The following BORCS5 variants were observed in gnomAD, a reference collection of about 807,000 sequenced individuals.
The protein encoded by BORCS5 is BLOC-1-related complex subunit 5.
In BORCS5, 17 loss-of-function variants were observed where a neutral mutation model predicts 22.1. That is an observed-to-expected ratio of 0.77 (90% CI 0.53 to 1.15). BORCS5 has a LOEUF of 1.15. BORCS5 is among the 50% of genes most tolerant of loss of function. BORCS5 has a pLI of 0.00. For missense variants in BORCS5, 247 were observed against 253.2 expected (o/e 0.98, Z 0.17); for synonymous variants, 117 against 99.8 (o/e 1.17, Z -1.03).
intron 2 of BORCS5, among the ~76,000 whole-genome samples, chr12:12,396,145 G>C (rs187984135): frequency 6.6e-6 from 1 of 151,892 alleles, no homozygotes; most frequent in Admixed American, 6.6e-5. Flanking sequence ...ACATTACCAC[G>C]CCCAGCTAAT....
intron 2 of BORCS5, among the ~76,000 whole-genome samples, chr12:12,419,190 C>T (rs139386645): frequency 0.026 from 4,028 of 152,222 alleles, 190 homozygotes; most frequent in African/African-American, 0.09. Context: ...GCTATCCCTC[C>T]GCCAGCTCCT....
intron 2 of BORCS5, among the ~76,000 whole-genome samples, chr12:12,406,418 G>A (rs775503927): frequency 2.0e-5 from 3 of 152,118 alleles, no homozygotes; most frequent in African/African-American, 7.2e-5. Flanking sequence ...TGATCAGGGC[G>A]TCTTCTCCAG....
intron 2 of BORCS5, among the ~76,000 whole-genome samples, chr12:12,388,431 T>C (rs1320226909): frequency 6.6e-6 from 1 of 151,346 alleles, no homozygotes; most frequent in Non-Finnish European, 1.5e-5. Context: ...AAAAAGGAAC[T>C]GCTGGCCGAG....
At chr12:12,365,452 C>T (rs1200542097) in intron 2 of BORCS5, among the ~76,000 whole-genome samples, 1 of 151,678 alleles carries the variant, frequency 6.6e-6, no homozygotes, top group Non-Finnish European at 1.5e-5. Flanking sequence ...AGTGCTGAGA[C>T]TACAGGCATG....
chr12:12,451,810 C>T (rs1013710211), intron 3 of BORCS5, among the ~76,000 whole-genome samples: 4 of 151,526 alleles, frequency 2.6e-5, no homozygotes, highest in Non-Finnish European at 2.9e-5. Flanking sequence ...CCCAGCTACT[C>T]AGGAGGCTGA....
intron 2 of BORCS5, among the ~76,000 whole-genome samples, chr12:12,369,693 T>A (rs1863479969): frequency 6.7e-6 from 1 of 149,348 alleles, no homozygotes; most frequent in African/African-American, 2.5e-5. Flanking sequence ...AATGGTGTGG[T>A]TTCATTCACC....
intron 2 of BORCS5, among the ~76,000 whole-genome samples, chr12:12,414,947 G>A (rs1327847897): frequency 3.7e-5 from 5 of 136,700 alleles, no homozygotes; most frequent in East Asian, 2.0e-4. Context: ...CATCTCAGAC[G>A]ATGGGCGGCC....
intron 2 of BORCS5, among the ~76,000 whole-genome samples, chr12:12,421,830 T>G (rs1942130411): frequency 6.6e-6 from 1 of 152,232 alleles, no homozygotes; most frequent in Non-Finnish European, 1.5e-5. Context: ...TTTTCTAGTT[T>G]ATTTGTGTAG....
intron 2 of BORCS5, among the ~76,000 whole-genome samples, chr12:12,413,206 T>G (rs1941791241): frequency 1.2e-5 from 1 of 83,938 alleles, no homozygotes; most frequent in South Asian, 2.7e-4. Flanking sequence ...GGTCTGGTTT[T>G]CCTAGGCAGA....
chr12:12,454,074 A>G (rs531111292), intron 3 of BORCS5, among the ~76,000 whole-genome samples: 15 of 152,140 alleles, frequency 9.9e-5, no homozygotes, highest in South Asian at 2.1e-4. Context: ...TTGTTTATCC[A>G]TTTTTCAGTG....
At chr12:12,440,159 C>A (rs1345903546) in intron 3 of BORCS5, among the ~76,000 whole-genome samples, 1 of 152,206 alleles carries the variant, frequency 6.6e-6, no homozygotes, top group African/African-American at 2.4e-5. Context: ...ATAACTATTT[C>A]TGATTCAGAT....
intron 3 of BORCS5, among the ~76,000 whole-genome samples, chr12:12,448,297 C>T (rs936120850): frequency 2.9e-4 from 44 of 152,140 alleles, no homozygotes; most frequent in Admixed American, 2.7e-3. Context: ...CTCACTGCAA[C>T]TCCTGCCTCC....
intron 2 of BORCS5, among the ~76,000 whole-genome samples, chr12:12,364,161 A>G (rs1445044463): frequency 6.6e-6 from 1 of 152,090 alleles, no homozygotes; most frequent in African/African-American, 2.4e-5. Context: ...GGATCACTTC[A>G]GGTCAGGAAT....
chr12:12,460,543 G>A (rs1943083710), intron 3 of BORCS5, among the ~76,000 whole-genome samples: 1 of 152,220 alleles, frequency 6.6e-6, no homozygotes, highest in Non-Finnish European at 1.5e-5. Context: ...TGGTAAGAGT[G>A]TAGACATGCT....
intron 1 of BORCS5, among the ~76,000 whole-genome samples, chr12:12,360,989 A>G (rs1400986310): frequency 6.6e-6 from 1 of 152,074 alleles, no homozygotes; most frequent in Non-Finnish European, 1.5e-5. Context: ...CCAAAGTGCT[A>G]AGATTACATG....
At chr12:12,383,898 A>T (rs1863825860) in intron 2 of BORCS5, among the ~76,000 whole-genome samples, 1 of 150,800 alleles carries the variant, frequency 6.6e-6, no homozygotes, top group Admixed American at 6.6e-5. Context: ...TCCTTCTGGG[A>T]TTTCCATTAT....
Position 12,465,933 on chromosome 12 carries a change from G to C in BORCS5, c.*157G>C. The C allele has an allele frequency of 3.2e-6, 2 of 617,772 alleles. No homozygotes were observed. The highest frequency in any genetic ancestry group is 2.8e-6 in the Non-Finnish European group (1 of 355,476). 38.3% of individuals were successfully genotyped at this position (617,772 alleles called of 1,614,324 possible). A position where few individuals can be genotyped will look rare whatever the true frequency, so the allele number is the denominator to read the frequency against. ...CCGGCTGGCATGAAAATCTGACTTT[G>C]CCCAGCTCTTTTCCTTGATGCAGTT... On this transcript the variant is annotated 3_prime_UTR_variant, in exon 4 of 4. Transcript: ENST00000314565.
At chr12:12,414,162 AC>A (rs1297108531) in intron 2 of BORCS5, among the ~76,000 whole-genome samples, 1 of 55,904 alleles carries the variant, frequency 1.8e-5, no homozygotes. Context: ...CGGGGGGCTG[AC>A]CCCCCCACCT....
chr12:12,378,309 T>G (rs1014712488), intron 2 of BORCS5, among the ~76,000 whole-genome samples: 1 of 152,122 alleles, frequency 6.6e-6, no homozygotes, highest in African/African-American at 2.4e-5. Flanking sequence ...GAGGCAGAGG[T>G]TGCAGTGAGC....
Sources: allele counts gnomAD v4.1 joint callset (sites outside exome capture counted in the v4.1 genomes callset), GRCh38; gene constraint gnomAD v4.1.1; transcripts MANE v1.5; gene names NCBI Gene and HGNC (gene_info 2026-07-23, HGNC 2026-07-21).